The following DAB2IP variants were observed in gnomAD, a reference collection of about 807,000 sequenced individuals.
The protein encoded by DAB2IP is disabled homolog 2-interacting protein.
Under a neutral mutation model 107.2 loss-of-function variants are expected in DAB2IP, and 28 were observed. The ratio of observed to expected loss-of-function variants is 0.26; its 90% CI spans 0.19 to 0.36. The LOEUF is 0.36. DAB2IP is among the 10% of genes least tolerant of loss of function. The probability of loss-of-function intolerance (pLI) is 1.00; values close to 1 mark genes in which losing one functional copy is unlikely to be tolerated. For synonymous variants in DAB2IP, 755 were observed against 706.4 expected (o/e 1.07, Z -1.09); for missense variants, 1,400 against 1,644.7 (o/e 0.85, Z 2.57).
At chr9:121,643,355 A>G (rs2119041900) in intron 1 of DAB2IP, among the ~76,000 whole-genome samples, 1 of 152,058 alleles carries the variant, frequency 6.6e-6, no homozygotes, top group South Asian at 2.1e-4. Context: ...GACAAATCTA[A>G]GCCTCAAGCC....
chr9:121,606,572 G>A (rs1194179603), intron 1 of DAB2IP, among the ~76,000 whole-genome samples: 1 of 152,148 alleles, frequency 6.6e-6, no homozygotes, highest in Admixed American at 6.5e-5. Flanking sequence ...TCCAGGTCCA[G>A]TGCTCACGGG....
chr9:121,614,539 C>T (rs1831207103), intron 1 of DAB2IP, among the ~76,000 whole-genome samples: 1 of 151,408 alleles, frequency 6.6e-6, no homozygotes, highest in Non-Finnish European at 1.5e-5. Flanking sequence ...CGGGGTTTCA[C>T]TATGTTGGCC....
chr9:121,768,539 C>A, exon 10 of DAB2IP: 1 of 1,614,250 alleles, frequency 6.2e-7, no homozygotes, highest in Non-Finnish European at 8.5e-7. Flanking sequence ...GAGACCCTCT[C>A]CAATACAGCC....
At position 121,662,077 on chromosome 9, in the gene DAB2IP, C is replaced by T. The variant is rs929025830; in HGVS notation, c.124+10178C>T. Among the ~76,000 whole-genome samples, 2 of 152,184 alleles carry T rather than the reference C, an allele frequency of 1.3e-5. No individual in the cohort carries two copies. Among genetic ancestry groups the T allele is most frequent in the Admixed American group, 6.5e-5 (1 of 15,284 alleles). Reference sequence around the variant, plus strand: ...AAAATAAAAATCACCTTTAATCCAGCACCCACCAATAAGCTCTGGGATCAC... The same window carrying T: ...AAAATAAAAATCACCTTTAATCCAGTACCCACCAATAAGCTCTGGGATCAC... On this transcript the variant is annotated intron_variant, in intron 1 of 15. Transcript: ENST00000408936. This position sits in a 1 kb window ranked among gnomAD's most constrained non-coding sequence, Gnocchi z 4.6.
chr9:121,767,862 C>CA (rs1168568912), intron 9 of DAB2IP, among the ~76,000 whole-genome samples: 1 of 152,096 alleles, frequency 6.6e-6, no homozygotes, highest in East Asian at 1.9e-4. Context: ...GATTAGAAGG[C>CA]AAAATCAGTG....
In DAB2IP at chr9:121,599,504, G is replaced by T. The variant is rs1237062681; in HGVS notation, c.40+32276G>T. On this transcript the variant is annotated intron_variant, in intron 1 of 16. Coordinates refer to the DAB2IP transcript ENST00000259371. The surrounding 1 kb of genome is among the most constrained non-coding windows in gnomAD (Gnocchi z 6.9). ...GCTGGGCCTGCGATTGGCAGGGCTGGGCAGGCCGGGTGGCCGCGGGAGCCC... is the reference window on the plus strand; with the variant it reads ...GCTGGGCCTGCGATTGGCAGGGCTGTGCAGGCCGGGTGGCCGCGGGAGCCC... 2.0e-5 allele frequency among the ~76,000 whole-genome samples: 3 copies of T among 151,956 alleles called. No individual in the cohort carries two copies. Among genetic ancestry groups the T allele is most frequent in the Non-Finnish European group, 4.4e-5 (3 of 67,954 alleles).
rs1198779794 is a variant in DAB2IP at position 121,772,462 on chromosome 9, ACCCCAGCGCATCCATCT to A, written c.2079-135_2079-119del. On this transcript the variant is annotated intron_variant, in intron 11 of 15. Coordinates refer to ENST00000408936, the Ensembl canonical transcript of DAB2IP. The surrounding 1 kb of genome is among the most constrained non-coding windows in gnomAD (Gnocchi z 4.7). ...GTCCCCGGATTCTCCCACTCCTGCC[ACCCCAGCGCATCCATCT>A]CCCCAGCGCTGGCTCAGGCTGCCAG... The A allele has an allele frequency of 5.7e-5, 48 of 845,838 alleles. 1 individual carries two copies. The highest frequency in any genetic ancestry group is 2.7e-4 in the Middle Eastern group (1 of 3,642). 52.4% of individuals were successfully genotyped at this position (845,838 alleles called of 1,614,324 possible).
At chr9:121,569,592 G>T (rs983125630) in intron 1 of DAB2IP, among the ~76,000 whole-genome samples, 3 of 152,230 alleles carry the variant, frequency 2.0e-5, no homozygotes, top group Admixed American at 2.0e-4. Flanking sequence ...GGCTGAGGCA[G>T]GTGGATCACT....
chr9:121,625,196 G>A (rs1329522925), intron 1 of DAB2IP, among the ~76,000 whole-genome samples: 2 of 151,786 alleles, frequency 1.3e-5, no homozygotes, highest in Non-Finnish European at 2.9e-5. Context: ...CTGTCACACA[G>A]CTGGGAGCTG....
At chr9:121,757,266 A>T in intron 4 of DAB2IP, 100 bp downstream of exon 4, 1 of 1,454,284 alleles carries the variant, frequency 6.9e-7, no homozygotes, top group Non-Finnish European at 9.2e-7. Context: ...CTGTGGCCTC[A>T]GCAGGGGCCA....
chr9:121,626,067 T>TG (rs1450453124), intron 1 of DAB2IP, among the ~76,000 whole-genome samples: 2 of 152,186 alleles, frequency 1.3e-5, no homozygotes, highest in Non-Finnish European at 2.9e-5. Context: ...GAGCCCCCTC[T>TG]GAGGAGCTCC....
chr9:121,677,171 G>A (rs1472132389), intron 1 of DAB2IP, among the ~76,000 whole-genome samples: 2 of 152,150 alleles, frequency 1.3e-5, no homozygotes, highest in African/African-American at 4.8e-5. Flanking sequence ...GGCCTCCCAA[G>A]TTTAAAGCCT....
At position 121,751,298 on chromosome 9, in the gene DAB2IP, C is replaced by T. The variant is rs80160374; in HGVS notation, c.363-5715C>T. The stretch of plus-strand genomic sequence containing the variant: ...TGAACTGGGTTCACATCTGACTCGG[C>T]CACTTGCTATGCATGTGATCTTGGG... On this transcript the variant is annotated intron_variant, in intron 3 of 15. Transcript: ENST00000408936. 1,354 of 156,158 alleles carry T rather than the reference C, an allele frequency of 8.7e-3. 15 individuals are homozygous for T. Among genetic ancestry groups the T allele is most frequent in the African/African-American group, 0.027 (1,104 of 41,622 alleles). 9.7% of individuals were successfully genotyped at this position (156,158 alleles called of 1,614,324 possible). A position where few individuals can be genotyped will look rare whatever the true frequency, so the allele number is the denominator to read the frequency against.
chr9:121,636,079 AT>A (rs542819691), intron 1 of DAB2IP, among the ~76,000 whole-genome samples: 3 of 150,634 alleles, frequency 2.0e-5, no homozygotes, highest in African/African-American at 4.9e-5. Flanking sequence ...AATTTTTTGT[AT>A]TTTTTTTTAG....
chr9:121,583,325 A>G (rs1287287619), intron 1 of DAB2IP, among the ~76,000 whole-genome samples: 1 of 152,100 alleles, frequency 6.6e-6, no homozygotes, highest in Non-Finnish European at 1.5e-5. Flanking sequence ...TGGGAAATGG[A>G]TTTTGCAGTG....
chr9:121,579,611 CCCT>C (rs1473734724), intron 1 of DAB2IP, among the ~76,000 whole-genome samples: 1 of 152,110 alleles, frequency 6.6e-6, no homozygotes, highest in Non-Finnish European at 1.5e-5. Context: ...AGGCTCAATA[CCCT>C]CCTCCTCTGT....
In DAB2IP at chr9:121,568,499, G is replaced by A. The variant is rs143243513; in HGVS notation, c.40+1271G>A. ...ATGGAAGGAGGAGGAGAATACAAAG[G>A]GAGGAGAGAGGGAAAAAAATAGGGA... On this transcript the variant is annotated intron_variant, in intron 1 of 16. Coordinates refer to the DAB2IP transcript ENST00000259371. 3.4e-3 allele frequency among the ~76,000 whole-genome samples: 511 copies of A among 152,324 alleles called. 6 individuals are homozygous for A. Among genetic ancestry groups the A allele is most frequent in the African/African-American group, 0.012 (493 of 41,576 alleles).
intron 13 of DAB2IP, among the ~76,000 whole-genome samples, chr9:121,775,038 T>A (rs1256675796): frequency 2.6e-5 from 4 of 152,284 alleles, no homozygotes; most frequent in Middle Eastern, 3.4e-3. Context: ...TGCCACACAC[T>A]CTGCCATCTG....
intron 1 of DAB2IP, among the ~76,000 whole-genome samples, chr9:121,644,271 G>A (rs1259077834): frequency 1.3e-5 from 2 of 151,594 alleles, no homozygotes; most frequent in Admixed American, 1.3e-4. Flanking sequence ...AGGAGGGAAG[G>A]AAGGAAAGAG....
Sources: allele counts gnomAD v4.1 joint callset (sites outside exome capture counted in the v4.1 genomes callset), GRCh38; gene constraint gnomAD v4.1.1; non-coding constraint Gnocchi (gnomAD v3.1); transcripts MANE v1.5; gene names NCBI Gene and HGNC (gene_info 2026-07-23, HGNC 2026-07-21).